The following SGCZ variants were observed in gnomAD, a reference collection of about 807,000 sequenced individuals.
The protein encoded by SGCZ is sarcoglycan zeta.
Under a neutral mutation model 41.3 loss-of-function variants are expected in SGCZ, and 40 were observed. That is an observed-to-expected ratio of 0.97 (90% confidence interval 0.75 to 1.26). SGCZ has a LOEUF of 1.26. Among genes scored for constraint, SGCZ ranks in the 50% most tolerant of loss-of-function variants. SGCZ has a pLI of 0.00. For synonymous variants in SGCZ, 206 were observed against 137.5 expected (o/e 1.50, Z -3.49); for missense variants, 552 against 369.8 (o/e 1.49, Z -4.04).
intron 1 of SGCZ, among the ~76,000 whole-genome samples, chr8:14,812,146 A>G (rs1185301251): frequency 2.6e-5 from 4 of 151,986 alleles, no homozygotes; most frequent in Non-Finnish European, 5.9e-5. Flanking sequence ...ATTTTAAAAT[A>G]TTATATACAA....
Position 14,759,449 on chromosome 8 carries a change from C to T in SGCZ, c.40-204523G>A, listed in dbSNP as rs571520754. On this transcript the variant is annotated intron_variant, in intron 1 of 7. Transcript: ENST00000382080. ...TAGTCTCAAAAACTTAACCACAACA[C>T]ATTTAATATTTTTGTACACTTTTGG... is the stretch of plus-strand genomic sequence containing the variant. 3.3e-5 allele frequency among the ~76,000 whole-genome samples: 5 copies of T among 152,266 alleles called. No homozygotes were observed. The East Asian group carries it at 9.7e-4, about 29-fold the overall frequency.
intron 1 of SGCZ, among the ~76,000 whole-genome samples, chr8:15,105,543 C>G (rs115474050): frequency 6.6e-6 from 1 of 152,008 alleles, no homozygotes; most frequent in Non-Finnish European, 1.5e-5. Context: ...CTTTTAAACA[C>G]GCAGATCTTG....
At chr8:14,899,130 T>G (rs1805309798) in intron 1 of SGCZ, among the ~76,000 whole-genome samples, 1 of 152,178 alleles carries the variant, frequency 6.6e-6, no homozygotes, top group Non-Finnish European at 1.5e-5. Context: ...GCTGCCTTGA[T>G]CATAGTTTAT....
rs553412849 is a variant in SGCZ, at chr8:14,783,481, A to G, written c.40-228555T>C. On this transcript the variant is annotated intron_variant, in intron 1 of 7. Coordinates refer to ENST00000382080, the MANE Select transcript of SGCZ (RefSeq NM_139167.4). ...AAAGGAAAAAAAAAGTAGTAGAAGT[A>G]TAGCACAGAAGAAAAACAAAAGCAC... Among the ~76,000 whole-genome samples the G allele has an allele frequency of 5.9e-4, 90 of 152,186 alleles. 1 individual carries two copies. The highest frequency in any genetic ancestry group is 2.2e-3 in the Admixed American group (34 of 15,288).
chr8:14,231,486 G>T (rs577637171), intron 4 of SGCZ, among the ~76,000 whole-genome samples: 1 of 151,892 alleles, frequency 6.6e-6, no homozygotes, highest in South Asian at 2.1e-4. Context: ...GGCAAACACA[G>T]GTCCAATTAT....
intron 2 of SGCZ, among the ~76,000 whole-genome samples, chr8:14,401,447 C>T (rs997889401): frequency 1.8e-5 from 2 of 113,664 alleles, no homozygotes; most frequent in African/African-American, 3.4e-5. Flanking sequence ...CTCCCCCCAC[C>T]CCACAACAGT....
At chr8:14,711,461 G>T (rs1337666724) in intron 1 of SGCZ, among the ~76,000 whole-genome samples, 1 of 150,096 alleles carries the variant, frequency 6.7e-6, no homozygotes, top group African/African-American at 2.4e-5. Flanking sequence ...AAAAAGTTAG[G>T]CATGATGGCG....
chr8:15,053,727 T>G (rs1804605563), intron 1 of SGCZ, among the ~76,000 whole-genome samples: 1 of 152,232 alleles, frequency 6.6e-6, no homozygotes. Flanking sequence ...GATGCTGTGC[T>G]GACACATAGG....
intron 2 of SGCZ, among the ~76,000 whole-genome samples, chr8:14,343,734 T>C (rs775667499): frequency 8.5e-5 from 13 of 152,136 alleles, no homozygotes; most frequent in Admixed American, 2.6e-4. Flanking sequence ...CACAGTGTCA[T>C]GTCATCGCCA....
intron 2 of SGCZ, among the ~76,000 whole-genome samples, chr8:14,437,337 T>C (rs561925044): frequency 6.6e-5 from 10 of 152,274 alleles, no homozygotes; most frequent in Non-Finnish European, 7.4e-5. Flanking sequence ...AGTTTTGCTG[T>C]AGTATCACAG....
intron 1 of SGCZ, among the ~76,000 whole-genome samples, chr8:14,845,840 T>C (rs1283180254): frequency 6.6e-6 from 1 of 151,776 alleles, no homozygotes; most frequent in Non-Finnish European, 1.5e-5. Flanking sequence ...TCAGATATAA[T>C]TATATGTTTT....
intron 1 of SGCZ, among the ~76,000 whole-genome samples, chr8:14,818,196 G>C (rs1245807003): frequency 6.6e-6 from 1 of 152,062 alleles, no homozygotes; most frequent in African/African-American, 2.4e-5. Context: ...TTAACAGCCA[G>C]CCTGTCAACA....
rs117722635 is a variant in SGCZ at position 14,850,536 on chromosome 8, G to A, written c.40-295610C>T. On this transcript the variant is annotated intron_variant, in intron 1 of 7. Transcript: ENST00000382080. ...TGCTGAGTTTTAAAGGATAAGCTTT[G>A]GGAGGTAAAGGTTATTATATACAAG... is the stretch of plus-strand genomic sequence containing the variant. Among the ~76,000 whole-genome samples, 869 of 152,256 alleles carry A rather than the reference G, an allele frequency of 5.7e-3. 5 individuals are homozygous for A. The highest frequency in any genetic ancestry group is 9.6e-3 in the Non-Finnish European group (655 of 68,010).
intron 1 of SGCZ, among the ~76,000 whole-genome samples, chr8:15,197,634 C>T (rs560733936): frequency 6.6e-6 from 1 of 152,056 alleles, no homozygotes; most frequent in African/African-American, 2.4e-5. Flanking sequence ...AATGATAGGT[C>T]ACCAAAATCA....
chr8:15,010,085 T>C (rs900275615), intron 1 of SGCZ, among the ~76,000 whole-genome samples: 9 of 152,144 alleles, frequency 5.9e-5, no homozygotes, highest in African/African-American at 1.9e-4. Context: ...ATTTGAGAAA[T>C]AGTCATCTCC....
chr8:14,549,958 G>A (rs184367155), intron 2 of SGCZ, among the ~76,000 whole-genome samples: 54 of 152,082 alleles, frequency 3.6e-4, no homozygotes, highest in African/African-American at 1.2e-3. Flanking sequence ...GTTGCTAGTG[G>A]TGGTATAAAT....
intron 2 of SGCZ, among the ~76,000 whole-genome samples, chr8:14,462,754 A>G (rs570736980): frequency 6.6e-6 from 1 of 151,984 alleles, no homozygotes; most frequent in East Asian, 1.9e-4. Flanking sequence ...TTTATGCAAG[A>G]AAAAGTCATT....
intron 2 of SGCZ, among the ~76,000 whole-genome samples, chr8:14,453,974 C>T (rs1322964659): frequency 2.0e-5 from 3 of 151,400 alleles, no homozygotes; most frequent in African/African-American, 7.3e-5. Context: ...GTTATTTACA[C>T]ATTAATGACA....
chr8:14,797,537 G>A (rs1473797445), intron 1 of SGCZ, among the ~76,000 whole-genome samples: 1 of 152,178 alleles, frequency 6.6e-6, no homozygotes, highest in South Asian at 2.1e-4. Context: ...TAGCATAAAG[G>A]ATGGGAAAAT....
Sources: gnomAD v4.1 joint callset for allele counts (sites outside exome capture counted in the v4.1 genomes callset) on GRCh38, gnomAD v4.1.1 for gene constraint, MANE v1.5 for transcripts, NCBI Gene and HGNC (gene_info 2026-07-23, HGNC 2026-07-21) for gene names.